GLIS3: variants seen among roughly 807,000 people sequenced by gnomAD.
The protein encoded by GLIS3 is GLIS family zinc finger 3.
In GLIS3, 53 loss-of-function variants were observed where a neutral mutation model predicts 78.6. That is an observed-to-expected ratio of 0.67 (90% CI 0.54 to 0.85). The LOEUF (loss-of-function observed/expected upper bound fraction) is 0.85. GLIS3 is among the 40% of genes least tolerant of loss of function. The pLI is 0.00. For synonymous variants in GLIS3, 684 were observed against 509.9 expected, an observed-to-expected ratio of 1.34 and a Z score of -4.60; for missense variants, 1,703 against 1,231.1, an observed-to-expected ratio of 1.38 and a Z score of -5.74.
chr9:4,173,470 G>C lies in GLIS3; in HGVS notation c.389-47529C>G, dbSNP rs141652629. On this transcript the variant is annotated intron_variant, in intron 2 of 10. Transcript: ENST00000381971. ...ATTCTTGGAACAATGTGGGGCATAA[G>C]TAAATTTCAACAAAGTATTTCAGAT... Among the ~76,000 whole-genome samples, 4 of 151,820 alleles carry C rather than the reference G, an allele frequency of 2.6e-5. No homozygotes were observed. In the South Asian group the frequency reaches 6.2e-4, roughly 24 times the overall value.
chr9:4,276,436 C>CGGGAGGGAAGGGAAG (rs1827012151), intron 2 of GLIS3, among the ~76,000 whole-genome samples: 1 of 1,390 alleles, frequency 7.2e-4, no homozygotes, highest in Admixed American at 8.3e-3. Context: ...GGGAAGGGGA[C>CGGGAGGGAAGGGAAG]GGGAGGGGAG....
rs1047571321 is a variant in GLIS3, at chr9:3,826,069, T to C, written c.*2203A>G. 39 of 152,218 alleles carry C rather than the reference T, an allele frequency of 2.6e-4. No homozygotes were observed. Among genetic ancestry groups the C allele is most frequent in the African/African-American group, 9.4e-4 (39 of 41,462 alleles). The allele number at this position is 152,218 out of a possible 1,614,324, so 9.4% of individuals were successfully genotyped here. ...GAGGTGATGTCCATGGTTTCTAAAG[T>C]TGAGCTTCTGTCTTGTCCTCCTTCC... On this transcript the variant is annotated 3_prime_UTR_variant, in exon 11 of 11. Transcript: ENST00000381971.
At chr9:3,857,755 C>G (rs947348944) in intron 8 of GLIS3, among the ~76,000 whole-genome samples, 1 of 152,148 alleles carries the variant, frequency 6.6e-6, no homozygotes, top group Non-Finnish European at 1.5e-5. Flanking sequence ...ACTGGTATTA[C>G]CCTGAAAAGA....
At position 4,286,281 on chromosome 9, in the gene GLIS3, G is replaced by A. The variant is rs1383207906; in HGVS notation, c.145C>T (p.Pro49Ser). 6.2e-7 allele frequency: 1 copy of A among 1,614,240 alleles called. No homozygotes were observed. The highest frequency in any genetic ancestry group is 2.2e-5 in the East Asian group (1 of 44,884). Residue 49 changes from proline (P) to serine (S), a missense_variant, in exon 2 of 11, where the codon CCC (proline) becomes TCC (serine). Pro to Ser is a moderately conservative substitution (Grantham distance 74). Transcript: ENST00000381971. ...TTGTTAGCAAGGCTTGCCATAGTGG[G>A]ACTCGATGTGCTGCCACAGGGCGAG... The part of the protein sequence containing the change: ...GPSPCGSTSS[P>S]TMASLANNLH...
intron 1 of GLIS3, among the ~76,000 whole-genome samples, chr9:4,293,247 A>T (rs1202014153): frequency 6.6e-6 from 1 of 152,230 alleles, no homozygotes; most frequent in Non-Finnish European, 1.5e-5. Flanking sequence ...TACCTATGGA[A>T]GATTCTAGAA....
the GLIS3 span, among the ~76,000 whole-genome samples, chr9:4,482,375 T>G: frequency 3.3e-5 from 5 of 152,246 alleles, no homozygotes; most frequent in Non-Finnish European, 5.9e-5. Context: ...GTTCTTTTCT[T>G]CTTCAATTTA....
At chr9:4,355,626 T>G in the GLIS3 span, among the ~76,000 whole-genome samples, 1 of 152,162 alleles carries the variant, frequency 6.6e-6, no homozygotes, top group Non-Finnish European at 1.5e-5. Flanking sequence ...CTTTATCACC[T>G]TTGGAATCTG....
the GLIS3 span, among the ~76,000 whole-genome samples, chr9:4,462,594 AACACAC>A: frequency 0.013 from 1,845 of 145,070 alleles, 27 homozygotes; most frequent in African/African-American, 0.032. Context: ...CCATCTCTAT[AACACAC>A]ACACACACAC....
At chr9:4,063,922 A>G (rs1237880137) in intron 4 of GLIS3, among the ~76,000 whole-genome samples, 1 of 152,234 alleles carries the variant, frequency 6.6e-6, no homozygotes, top group Non-Finnish European at 1.5e-5. Context: ...AAGTGAAATC[A>G]TAAGTAAAGA....
chr9:3,831,776 T>C (rs1037148107), intron 9 of GLIS3, among the ~76,000 whole-genome samples: 3 of 152,172 alleles, frequency 2.0e-5, no homozygotes, highest in Non-Finnish European at 4.4e-5. Context: ...GATGGGAATT[T>C]TAAATAGGTA....
chr9:3,865,989 C>G (rs892800046), intron 8 of GLIS3, among the ~76,000 whole-genome samples: 1 of 152,202 alleles, frequency 6.6e-6, no homozygotes, highest in Non-Finnish European at 1.5e-5. Context: ...CAGAAACTGA[C>G]GTCAGTGTCT....
chr9:4,050,911 AG>A (rs1357942536), intron 4 of GLIS3, among the ~76,000 whole-genome samples: 1 of 152,204 alleles, frequency 6.6e-6, no homozygotes, highest in Non-Finnish European at 1.5e-5. Context: ...CCTGATAGTC[AG>A]GGTCCTCACA....
chr9:4,158,115 G>GA lies in GLIS3; in HGVS notation c.389-32175dup, dbSNP rs528640009. On this transcript the variant is annotated intron_variant, in intron 2 of 10. Transcript: ENST00000381971. ...ACACATATTTTCTTACAGTAGAGGG[G>GA]AAAAAATCTTTTTTTTCCTTTCCAA... 3.9e-4 allele frequency among the ~76,000 whole-genome samples: 60 copies of GA among 152,184 alleles called. 1 individual carries two copies. The East Asian group carries it at 6.0e-3, about 15-fold the overall frequency.
chr9:3,932,255 AC>A (rs1185323399), intron 6 of GLIS3, 104 bp downstream of exon 6: 1 of 846,028 alleles, frequency 1.2e-6, no homozygotes, highest in Non-Finnish European at 2.0e-6. Flanking sequence ...AGCAGGTTAT[AC>A]CATGAGAAGT....
intron 4 of GLIS3, among the ~76,000 whole-genome samples, chr9:4,074,944 A>G (rs1210255707): frequency 6.6e-6 from 1 of 152,182 alleles, no homozygotes; most frequent in Non-Finnish European, 1.5e-5. Context: ...CTCCTTTAAG[A>G]GACTTGCTCA....
chr9:4,197,785 C>G (rs943084017), intron 2 of GLIS3, among the ~76,000 whole-genome samples: 1 of 152,168 alleles, frequency 6.6e-6, no homozygotes, highest in African/African-American at 2.4e-5. Flanking sequence ...TCTTACTCAT[C>G]TGCGCCATCT....
the GLIS3 span, among the ~76,000 whole-genome samples, chr9:4,356,363 G>C: frequency 6.6e-6 from 1 of 152,150 alleles, no homozygotes; most frequent in Admixed American, 6.5e-5. Flanking sequence ...AGCATGATTG[G>C]TTTTCCACAG....
intron 6 of GLIS3, among the ~76,000 whole-genome samples, chr9:3,907,623 CAG>C (rs57661157): frequency 0.23 from 14,430 of 61,506 alleles, 1,152 homozygotes; most frequent in South Asian, 0.27. Flanking sequence ...CACACACACA[CAG>C]ACACACACAC....
intron 9 of GLIS3, among the ~76,000 whole-genome samples, chr9:3,838,001 G>T (rs28526499): frequency 6.6e-6 from 1 of 151,978 alleles, no homozygotes; most frequent in African/African-American, 2.4e-5. Context: ...TGGAGGGGGT[G>T]GGGGGAGGAG....
Sources: gnomAD v4.1 joint callset for allele counts (sites outside exome capture counted in the v4.1 genomes callset) on GRCh38, gnomAD v4.1.1 for gene constraint, MANE v1.5 for transcripts, NCBI Gene and HGNC (gene_info 2026-07-23, HGNC 2026-07-21) for gene names.